Variants in FAM81B observed in about 807,000 individuals in gnomAD.
FAM81B encodes the protein family with sequence similarity 81 member B, also known as protein FAM81B.
FAM81B carries 60 observed loss-of-function variants against 58.7 expected under a neutral mutation model. The observed-to-expected ratio is 1.02, with a 90% CI of 0.83 to 1.27. The LOEUF is 1.27. FAM81B is among the 50% of genes most tolerant of loss of function. FAM81B has a pLI of 0.00. For missense variants in FAM81B, 491 were observed against 522.0 expected, an observed-to-expected ratio of 0.94 and a Z score of 0.58; for synonymous variants, 189 against 179.6, an observed-to-expected ratio of 1.05 and a Z score of -0.42.
intron 6 of FAM81B, among the ~76,000 whole-genome samples, chr5:95,434,471 C>T (rs1745023140): frequency 6.6e-6 from 1 of 152,218 alleles, no homozygotes; most frequent in Admixed American, 6.5e-5. Flanking sequence ...GGAAAAACTT[C>T]TCTGCTTTTA....
chr5:95,418,476 A>T (rs1023303683), intron 4 of FAM81B, among the ~76,000 whole-genome samples: 19 of 152,194 alleles, frequency 1.2e-4, no homozygotes, highest in Non-Finnish European at 1.6e-4. Flanking sequence ...ACAAAGGAAA[A>T]ATAAATTCAT....
At chr5:95,401,980 C>G (rs922860791) in intron 3 of FAM81B, among the ~76,000 whole-genome samples, 4 of 152,120 alleles carry the variant, frequency 2.6e-5, no homozygotes, top group African/African-American at 4.8e-5. Flanking sequence ...AAAAGGCCCC[C>G]TAGGAATTTT....
chr5:95,433,228 G>A (rs568813998), intron 6 of FAM81B, among the ~76,000 whole-genome samples: 6 of 150,904 alleles, frequency 4.0e-5, no homozygotes, highest in Admixed American at 1.3e-4. Flanking sequence ...CCACATGGCT[G>A]GGGAGACCTC....
intron 3 of FAM81B, among the ~76,000 whole-genome samples, chr5:95,409,401 T>C (rs1197395332): frequency 1.3e-5 from 2 of 151,996 alleles, no homozygotes; most frequent in African/African-American, 2.4e-5. Flanking sequence ...TCAAGTGATC[T>C]GCCCACCTCA....
chr5:95,439,256 A>ATATG (rs1745226590), intron 7 of FAM81B, among the ~76,000 whole-genome samples: 1 of 143,366 alleles, frequency 7.0e-6, no homozygotes, highest in African/African-American at 2.6e-5. Context: ...ATATATATAT[A>ATATG]TATATATATG....
chr5:95,410,196 T>C (rs1472466860), intron 3 of FAM81B, among the ~76,000 whole-genome samples: 1 of 152,164 alleles, frequency 6.6e-6, no homozygotes, highest in African/African-American at 2.4e-5. Context: ...CTATCGGGAA[T>C]GGGGACACAA....
intron 7 of FAM81B, among the ~76,000 whole-genome samples, chr5:95,444,633 C>A (rs75864659): frequency 6.6e-6 from 1 of 152,130 alleles, no homozygotes; most frequent in Non-Finnish European, 1.5e-5. Context: ...TAGAAACCAA[C>A]TCCATCTTCT....
At chr5:95,425,984 C>A (rs1049776897) in intron 5 of FAM81B, among the ~76,000 whole-genome samples, 2 of 150,538 alleles carry the variant, frequency 1.3e-5, no homozygotes, top group African/African-American at 4.9e-5. Context: ...TCATTTCTCA[C>A]TACATTTATC....
chr5:95,439,237 TA>T (rs1218756157), intron 7 of FAM81B, among the ~76,000 whole-genome samples: 8 of 13,800 alleles, frequency 5.8e-4, no homozygotes, highest in African/African-American at 3.7e-3. Context: ...GGTTAAAGAG[TA>T]TATATATATA....
intron 5 of FAM81B, chr5:95,424,075 C>G (rs768852416): frequency 3.4e-5 from 44 of 1,289,614 alleles, no homozygotes; most frequent in Non-Finnish European, 3.9e-5. Context: ...CCGCTTATAC[C>G]TGAGAGAAAC....
At chr5:95,398,249 T>C (rs1440009422) in intron 3 of FAM81B, among the ~76,000 whole-genome samples, 2 of 151,996 alleles carry the variant, frequency 1.3e-5, no homozygotes, top group Non-Finnish European at 2.9e-5. Flanking sequence ...TGAAACCCCA[T>C]CTCTACTAAA....
At chr5:95,428,526 G>A in intron 5 of FAM81B, 77 bp from the exon 6 acceptor site, 3 of 1,539,372 alleles carry the variant, frequency 1.9e-6, no homozygotes, top group Non-Finnish European at 2.6e-6. Flanking sequence ...GCCATCAAAT[G>A]AATGTGCAGG....
chr5:95,445,386 C>A (rs1437958737), intron 7 of FAM81B, among the ~76,000 whole-genome samples: 3 of 152,104 alleles, frequency 2.0e-5, no homozygotes, highest in Non-Finnish European at 4.4e-5. Flanking sequence ...ATGCAGAAAA[C>A]ACACACAGAA....
At chr5:95,429,429 T>G (rs1414955571) in intron 6 of FAM81B, among the ~76,000 whole-genome samples, 1 of 152,182 alleles carries the variant, frequency 6.6e-6, no homozygotes, top group African/African-American at 2.4e-5. Flanking sequence ...ACTTCTCTTC[T>G]CCTCTGAAGT....
chr5:95,428,543 C>T (rs751016445), intron 5 of FAM81B, 60 bp from the exon 6 acceptor site: 11 of 1,597,828 alleles, frequency 6.9e-6, no homozygotes, highest in Admixed American at 3.4e-5. Flanking sequence ...CAGGTGTCTA[C>T]TATAGTGTTA....
intron 6 of FAM81B, among the ~76,000 whole-genome samples, chr5:95,429,008 G>A (rs529636726): frequency 1.3e-5 from 2 of 152,168 alleles, no homozygotes; most frequent in East Asian, 3.9e-4. Context: ...TCTGGAAGTA[G>A]TAAAATTATT....
intron 7 of FAM81B, among the ~76,000 whole-genome samples, chr5:95,441,461 C>A (rs1483444688): frequency 1.3e-5 from 2 of 151,804 alleles, no homozygotes; most frequent in South Asian, 4.2e-4. Context: ...CCCAGCTACT[C>A]GGGAGGCTGA....
intron 3 of FAM81B, among the ~76,000 whole-genome samples, chr5:95,400,431 CAT>C (rs772072863): frequency 3.2e-5 from 3 of 94,944 alleles, no homozygotes; most frequent in Admixed American, 1.1e-4. Flanking sequence ...TACATACATA[CAT>C]ACACACACAC....
intron 3 of FAM81B, among the ~76,000 whole-genome samples, chr5:95,410,249 G>A (rs1307098120): frequency 1.3e-5 from 2 of 152,164 alleles, no homozygotes; most frequent in African/African-American, 2.4e-5. Context: ...GAGGGTAAAG[G>A]TCACATACTA....
Sources: gnomAD v4.1 joint callset for allele counts (sites outside exome capture counted in the v4.1 genomes callset) on GRCh38, gnomAD v4.1.1 for gene constraint, MANE v1.5 for transcripts, NCBI Gene and HGNC (gene_info 2026-07-23, HGNC 2026-07-21) for gene names.